The following KLHL29 variants were observed in gnomAD, a reference collection of about 807,000 sequenced individuals.
KLHL29 encodes kelch-like protein 29.
Under a neutral mutation model 80.4 loss-of-function variants are expected in KLHL29, and 21 were observed. That is an observed-to-expected ratio of 0.26 (90% CI 0.19 to 0.38). KLHL29 has a LOEUF of 0.38. Ranked by LOEUF, KLHL29 falls within the 10% of genes least tolerant of loss-of-function variation. The pLI is 1.00. For missense variants in KLHL29, 867 were observed against 1,223.9 expected, an observed-to-expected ratio of 0.71 and a Z score of 4.35; for synonymous variants, 511 against 526.8, an observed-to-expected ratio of 0.97 and a Z score of 0.41.
chr2:23,654,546 TCCC>T (rs2149165564), intron 5 of KLHL29, among the ~76,000 whole-genome samples: 1 of 152,268 alleles, frequency 6.6e-6, no homozygotes, highest in East Asian at 1.9e-4. Flanking sequence ...ATGTGTGGCC[TCCC>T]CCTGGGTCTT....
chr2:23,664,956 C>T (rs1670513568), intron 5 of KLHL29, among the ~76,000 whole-genome samples: 1 of 152,244 alleles, frequency 6.6e-6, no homozygotes, highest in Non-Finnish European at 1.5e-5. Flanking sequence ...AGGTGAAGGG[C>T]CAGCCTGAGG....
chr2:23,419,081 C>T (rs902982362), intron 1 of KLHL29, among the ~76,000 whole-genome samples: 3 of 152,306 alleles, frequency 2.0e-5, no homozygotes, highest in East Asian at 3.9e-4. Flanking sequence ...GAGTTGCAGA[C>T]CACAGATACT....
intron 1 of KLHL29, among the ~76,000 whole-genome samples, chr2:23,389,247 T>C (rs1444240054): frequency 6.6e-6 from 1 of 152,290 alleles, no homozygotes; most frequent in East Asian, 1.9e-4. Flanking sequence ...GCAGTTTTAC[T>C]TAAATGCGAG....
At chr2:23,430,712 C>T (rs11887598) in intron 1 of KLHL29, among the ~76,000 whole-genome samples, 2 of 151,814 alleles carry the variant, frequency 1.3e-5, no homozygotes, top group East Asian at 1.9e-4. Context: ...TTCCTTGCTG[C>T]GCCCCTGATG....
chr2:23,432,960 G>C (rs1479880161), intron 1 of KLHL29, among the ~76,000 whole-genome samples: 1 of 152,194 alleles, frequency 6.6e-6, no homozygotes, highest in Admixed American at 6.5e-5. Context: ...TGCGAGTGGG[G>C]GAAGGCACAG....
chr2:23,497,526 C>T (rs1475816848), intron 2 of KLHL29, among the ~76,000 whole-genome samples: 2 of 152,222 alleles, frequency 1.3e-5, no homozygotes, highest in Admixed American at 6.5e-5. Flanking sequence ...GGGCCGAGCA[C>T]GGAGATCACA....
At position 23,703,832 on chromosome 2, in the gene KLHL29, C is replaced by G. The variant is rs1158119738; in HGVS notation, c.2413C>G (p.Pro805Ala). The G allele has an allele frequency of 3.9e-6, 6 of 1,537,434 alleles. No individual in the cohort carries two copies. The highest frequency in any genetic ancestry group is 3.3e-4 in the Middle Eastern group (2 of 5,988). Residue 805 changes from proline to alanine, a missense_variant, in exon 13 of 14, where the codon CCA (proline) becomes GCA (alanine). By Grantham distance (27) the Pro-to-Ala change is conservative. Transcript: ENST00000486442. ...TGAGAAAGGAAACATTAAGGCGGGC[C>G]CAAACATGAACCACTCTCGCCAGTT... ...DPEKGNIKAG[P>A]NMNHSRQFCS...
chr2:23,587,893 A>C (rs1166408549), intron 3 of KLHL29, among the ~76,000 whole-genome samples: 1 of 152,186 alleles, frequency 6.6e-6, no homozygotes, highest in Non-Finnish European at 1.5e-5. Context: ...ATGGACTAAT[A>C]ATTTAGAGGC....
At chr2:23,450,894 A>G (rs1122546) in intron 1 of KLHL29, among the ~76,000 whole-genome samples, 22,199 of 152,118 alleles carry the variant, frequency 0.15, 2,768 homozygotes, top group African/African-American at 0.32. Flanking sequence ...TTAGCAGTCA[A>G]TCCCCATTTT....
chr2:23,703,338 C>A lies in KLHL29; in HGVS notation c.2258C>A (p.Pro753His). ...GCCGGCGTCCTCCAGTCTTACGTTC[C>A]TCAGACCAACACGTGGAGCTTCATC... The part of the protein sequence containing the change: ...RAAGVLQSYV[P>H]QTNTWSFIES... The change falls in exon 12 of 14, where the codon CCT (proline) becomes CAT (histidine). Residue 753 changes from proline to histidine, a missense_variant. Transcript: ENST00000486442. 2 of 1,537,424 alleles carry A rather than the reference C, an allele frequency of 1.3e-6. No homozygotes were observed. The highest frequency in any genetic ancestry group is 2.0e-5 in the Admixed American group (1 of 49,212).
At chr2:23,611,562 G>T (rs544203614) in intron 3 of KLHL29, among the ~76,000 whole-genome samples, 1 of 152,214 alleles carries the variant, frequency 6.6e-6, no homozygotes, top group African/African-American at 2.4e-5. Context: ...ATACCATCTT[G>T]ACCTCAAATT....
chr2:23,646,235 G>C (rs544108839), intron 5 of KLHL29, among the ~76,000 whole-genome samples: 1 of 152,126 alleles, frequency 6.6e-6, no homozygotes, highest in Non-Finnish European at 1.5e-5. Flanking sequence ...CTCAGGCCTC[G>C]GTGAGACCTG....
intron 2 of KLHL29, among the ~76,000 whole-genome samples, chr2:23,504,001 A>AG (rs1465470972): frequency 2.6e-5 from 4 of 152,182 alleles, no homozygotes; most frequent in African/African-American, 9.6e-5. Flanking sequence ...AGCCAGCCAG[A>AG]GGTCCCTGAG....
chr2:23,483,659 C>T (rs575263775), intron 2 of KLHL29, among the ~76,000 whole-genome samples: 25 of 152,314 alleles, frequency 1.6e-4, no homozygotes, highest in African/African-American at 6.0e-4. Context: ...AAAGTGTTTT[C>T]ATAGCTTCCT....
intron 2 of KLHL29, among the ~76,000 whole-genome samples, chr2:23,522,872 C>G (rs1449480623): frequency 6.6e-6 from 1 of 152,210 alleles, no homozygotes; most frequent in Non-Finnish European, 1.5e-5. Flanking sequence ...TAAGCCCAGC[C>G]CTGCAGAGGT....
At chr2:23,546,449 TAAAG>T (rs1665719962) in intron 2 of KLHL29, among the ~76,000 whole-genome samples, 1 of 152,092 alleles carries the variant, frequency 6.6e-6, no homozygotes, top group African/African-American at 2.4e-5. Context: ...AGATGTGAAA[TAAAG>T]CTATTCCTGT....
intron 2 of KLHL29, among the ~76,000 whole-genome samples, chr2:23,485,214 G>A (rs139535680): frequency 8.5e-5 from 13 of 152,228 alleles, no homozygotes; most frequent in African/African-American, 2.2e-4. Flanking sequence ...TCAGCCCCAC[G>A]TCCTCAGATC....
At chr2:23,659,509 C>T (rs1344377075) in intron 5 of KLHL29, among the ~76,000 whole-genome samples, 2 of 152,142 alleles carry the variant, frequency 1.3e-5, no homozygotes, top group Non-Finnish European at 2.9e-5. Context: ...CCATTCTCAG[C>T]GCCGAGTCCC....
At chr2:23,677,768 C>T (rs1387201073) in intron 5 of KLHL29, among the ~76,000 whole-genome samples, 1 of 152,250 alleles carries the variant, frequency 6.6e-6, no homozygotes, top group Non-Finnish European at 1.5e-5. Flanking sequence ...GCGCTCCCTG[C>T]TCCTGGATGA....
Sources: allele counts gnomAD v4.1 joint callset (sites outside exome capture counted in the v4.1 genomes callset), GRCh38; gene constraint gnomAD v4.1.1; transcripts MANE v1.5; gene names NCBI Gene and HGNC (gene_info 2026-07-23, HGNC 2026-07-21).